NKAIN2: variants seen among roughly 807,000 people sequenced by gnomAD.
The protein encoded by NKAIN2 is sodium/potassium-transporting ATPase subunit beta-1-interacting protein 2.
A neutral mutation model predicts 32.6 loss-of-function variants in NKAIN2; 14 were observed. The observed-to-expected ratio is 0.43, with a 90% CI of 0.28 to 0.67. NKAIN2 has a LOEUF of 0.67. NKAIN2 is among the 30% of genes least tolerant of loss of function. The pLI is 0.17. For synonymous variants in NKAIN2, 80 were observed against 87.2 expected (o/e 0.92, Z 0.46); for missense variants, 198 against 258.3 (o/e 0.77, Z 1.60).
intron 1 of NKAIN2, among the ~76,000 whole-genome samples, chr6:124,122,603 A>G (rs1785935081): frequency 6.6e-6 from 1 of 152,148 alleles, no homozygotes; most frequent in Admixed American, 6.5e-5. Context: ...GGAAATTTTA[A>G]CAAAGGAAAT....
intron 3 of NKAIN2, among the ~76,000 whole-genome samples, chr6:124,437,198 A>G (rs1343141661): frequency 2.0e-5 from 3 of 152,194 alleles, no homozygotes; most frequent in Non-Finnish European, 4.4e-5. Context: ...ATACTGTATA[A>G]CTAATGTATT....
chr6:124,358,461 C>T (rs1799099681), intron 3 of NKAIN2, among the ~76,000 whole-genome samples: 1 of 152,130 alleles, frequency 6.6e-6, no homozygotes, highest in East Asian at 1.9e-4. Context: ...TTTTAATGAT[C>T]ACCATTCTAA....
At chr6:124,399,970 G>A (rs1490360563) in intron 3 of NKAIN2, among the ~76,000 whole-genome samples, 1 of 152,094 alleles carries the variant, frequency 6.6e-6, no homozygotes, top group East Asian at 1.9e-4. Context: ...AGGAGCTTTA[G>A]GAAGAAGAAT....
intron 3 of NKAIN2, among the ~76,000 whole-genome samples, chr6:124,519,423 A>G (rs1405037985): frequency 6.6e-6 from 1 of 152,208 alleles, no homozygotes. Context: ...AAGACAATGA[A>G]AATAGCACAC....
intron 1 of NKAIN2, among the ~76,000 whole-genome samples, chr6:123,997,377 A>G (rs7754719): frequency 0.36 from 54,236 of 151,820 alleles, 9,941 homozygotes; most frequent in East Asian, 0.42. Context: ...CAGAAGCATC[A>G]GGTCTACTGT....
chr6:124,613,117 A>G (rs1782752710), intron 3 of NKAIN2, among the ~76,000 whole-genome samples: 1 of 152,132 alleles, frequency 6.6e-6, no homozygotes, highest in South Asian at 2.1e-4. Context: ...CCTTGGAAGA[A>G]TAGAAAAAGA....
chr6:124,227,737 C>T (rs1792197827), intron 1 of NKAIN2, among the ~76,000 whole-genome samples: 1 of 152,100 alleles, frequency 6.6e-6, no homozygotes, highest in Admixed American at 6.6e-5. Flanking sequence ...AACCCAGGCC[C>T]AGGTATGACT....
intron 2 of NKAIN2, among the ~76,000 whole-genome samples, chr6:124,334,509 G>A (rs1391445789): frequency 6.6e-6 from 1 of 151,016 alleles, no homozygotes; most frequent in African/African-American, 2.4e-5. Context: ...CTACTGATTG[G>A]TCAGGCTGTA....
At chr6:124,228,967 AC>A (rs1792275619) in intron 1 of NKAIN2, among the ~76,000 whole-genome samples, 1 of 152,180 alleles carries the variant, frequency 6.6e-6, no homozygotes, top group South Asian at 2.1e-4. Flanking sequence ...GCTAGTAAGT[AC>A]CACCTTTTCT....
At chr6:124,425,206 T>G (rs970365817) in intron 3 of NKAIN2, among the ~76,000 whole-genome samples, 2 of 152,042 alleles carry the variant, frequency 1.3e-5, no homozygotes, top group African/African-American at 2.4e-5. Flanking sequence ...CTAGGTTACA[T>G]GAACATTGAA....
chr6:124,605,873 G>T (rs1782478896), intron 3 of NKAIN2, among the ~76,000 whole-genome samples: 1 of 151,934 alleles, frequency 6.6e-6, no homozygotes, highest in Non-Finnish European at 1.5e-5. Flanking sequence ...ACAGATATTA[G>T]GGAGCAGGGG....
At chr6:124,162,464 G>A (rs1788330399) in intron 1 of NKAIN2, among the ~76,000 whole-genome samples, 1 of 152,048 alleles carries the variant, frequency 6.6e-6, no homozygotes, top group Non-Finnish European at 1.5e-5. Flanking sequence ...GCACAGATAT[G>A]GTACAGCATA....
intron 3 of NKAIN2, chr6:124,490,412 GTTTT>G (rs3052658): frequency 1.9e-5 from 6 of 312,882 alleles, no homozygotes; most frequent in East Asian, 1.8e-4. Flanking sequence ...AATCATAGAG[GTTTT>G]TTTTTTTTTT....
At chr6:124,125,395 A>G (rs998331910) in intron 1 of NKAIN2, among the ~76,000 whole-genome samples, 2 of 152,170 alleles carry the variant, frequency 1.3e-5, no homozygotes, top group Non-Finnish European at 2.9e-5. Flanking sequence ...ATTACTCTTT[A>G]ATATGTGTTT....
intron 3 of NKAIN2, among the ~76,000 whole-genome samples, chr6:124,418,779 T>C (rs1414738776): frequency 1.3e-5 from 2 of 151,710 alleles, no homozygotes; most frequent in African/African-American, 2.4e-5. Context: ...GTACTGATTG[T>C]TGATGTCCTG....
intron 1 of NKAIN2, among the ~76,000 whole-genome samples, chr6:124,209,494 A>C (rs979276172): frequency 6.6e-6 from 1 of 151,766 alleles, no homozygotes; most frequent in Non-Finnish European, 1.5e-5. Context: ...ATCGTATGTT[A>C]GTTCTATTTT....
chr6:124,541,443 T>C (rs1167629297), intron 3 of NKAIN2, among the ~76,000 whole-genome samples: 1 of 152,190 alleles, frequency 6.6e-6, no homozygotes, highest in Non-Finnish European at 1.5e-5. Flanking sequence ...TAGTCCATTG[T>C]ATGGAACATA....
At chr6:124,371,732 A>G (rs1007818222) in intron 3 of NKAIN2, among the ~76,000 whole-genome samples, 3 of 150,882 alleles carry the variant, frequency 2.0e-5, no homozygotes, top group Non-Finnish European at 4.4e-5. Flanking sequence ...GAAAAAAAAG[A>G]GTGTAAGTTA....
intron 1 of NKAIN2, among the ~76,000 whole-genome samples, chr6:124,183,425 TTAGA>T (rs1443154687): frequency 1.3e-5 from 2 of 152,038 alleles, no homozygotes; most frequent in East Asian, 1.9e-4. Context: ...GAGTAAATTA[TTAGA>T]TAGAGTATAG....
Sources: gnomAD v4.1 joint callset for allele counts (sites outside exome capture counted in the v4.1 genomes callset) on GRCh38, gnomAD v4.1.1 for gene constraint, MANE v1.5 for transcripts, NCBI Gene and HGNC (gene_info 2026-07-23, HGNC 2026-07-21) for gene names.